The following KLHDC4 variants were observed in gnomAD, a reference collection of about 807,000 sequenced individuals.
The protein encoded by KLHDC4 is kelch domain-containing protein 4.
Under a neutral mutation model 62.4 loss-of-function variants are expected in KLHDC4, and 90 were observed. That is an observed-to-expected ratio of 1.44 (90% CI 1.22 to 1.72). The LOEUF (loss-of-function observed/expected upper bound fraction) is 1.72, where lower values mean the gene tolerates loss of function less well. KLHDC4 is among the 40% of genes most tolerant of loss of function. The probability of loss-of-function intolerance (pLI) is 0.00; values close to 1 mark genes in which losing one functional copy is unlikely to be tolerated. For missense variants in KLHDC4, 1,025 were observed against 699.7 expected (o/e 1.47, Z -5.25); for synonymous variants, 386 against 284.4 (o/e 1.36, Z -3.59).
chr16:87,716,409 T>A (rs886512626), intron 7 of KLHDC4, among the ~76,000 whole-genome samples: 1 of 152,186 alleles, frequency 6.6e-6, no homozygotes, highest in African/African-American at 2.4e-5. Context: ...TCACTACCCA[T>A]CTTTGTTGCT....
chr16:87,719,708 A>G (rs902238814), intron 7 of KLHDC4, among the ~76,000 whole-genome samples: 1 of 152,190 alleles, frequency 6.6e-6, no homozygotes, highest in Admixed American at 6.5e-5. Flanking sequence ...GCTACGGTAA[A>G]GTAGTAAACA....
chr16:87,705,150 C>G (rs138215437), downstream of KLHDC4, among the ~76,000 whole-genome samples: 630 of 152,358 alleles, frequency 4.1e-3, 1 homozygote, highest in African/African-American at 0.015. Context: ...TGGGCAAGAA[C>G]GTGGCACCGA....
chr16:87,725,127 A>ATC (rs1287155711), intron 7 of KLHDC4, among the ~76,000 whole-genome samples: 1 of 152,146 alleles, frequency 6.6e-6, no homozygotes, highest in African/African-American at 2.4e-5. Context: ...CAGGACAGGC[A>ATC]GATCTATTAC....
chr16:87,722,707 C>T (rs751848029), intron 7 of KLHDC4, among the ~76,000 whole-genome samples: 2 of 152,222 alleles, frequency 1.3e-5, no homozygotes, highest in Non-Finnish European at 1.5e-5. Flanking sequence ...CCTGCTGAGA[C>T]GAGGACCATG....
downstream of KLHDC4, among the ~76,000 whole-genome samples, chr16:87,707,107 G>C (rs1007682061): frequency 8.5e-5 from 13 of 152,260 alleles, no homozygotes; most frequent in African/African-American, 2.7e-4. Context: ...AACTGCACCA[G>C]GTGTGGTTTC....
chr16:87,737,518 G>A (rs994888787), intron 5 of KLHDC4, among the ~76,000 whole-genome samples: 2 of 151,692 alleles, frequency 1.3e-5, no homozygotes, highest in African/African-American at 2.4e-5. Flanking sequence ...AACTCAGGAG[G>A]CGGAGGTTGC....
intron 10 of KLHDC4, among the ~76,000 whole-genome samples, chr16:87,709,026 C>T (rs768803645): frequency 1.2e-4 from 18 of 152,236 alleles, no homozygotes; most frequent in African/African-American, 2.7e-4. Flanking sequence ...TGTCCTGTGC[C>T]GCCAGAGCCG....
At position 87,714,573 on chromosome 16, in the gene KLHDC4, T is replaced by C; in HGVS notation, c.760A>G (p.Arg254Gly). 1.2e-6 allele frequency: 2 copies of C among 1,614,088 alleles called. No individual in the cohort carries two copies. Among genetic ancestry groups the C allele is most frequent in the Non-Finnish European group, 1.7e-6 (2 of 1,179,974 alleles). Residue 254 changes from arginine to glycine, a missense_variant and splice_region_variant, in exon 8 of 12, where the codon AGA becomes GGA. Arg to Gly is a moderately radical substitution (Grantham distance 125). Transcript: ENST00000270583. ...CCCTTGTCCACGTCTTTCTTAACTC[T>C]CTGCAATGGAAAGGAATTGTGTGAG... Reference protein sequence around the residue: ...IVVYGGYSKQRVKKDVDKGTR... With the variant: ...IVVYGGYSKQGVKKDVDKGTR...
intron 7 of KLHDC4, among the ~76,000 whole-genome samples, chr16:87,720,403 C>A (rs181966640): frequency 1.1e-4 from 17 of 152,288 alleles, no homozygotes; most frequent in African/African-American, 3.4e-4. Flanking sequence ...TCCATCCAGG[C>A]GCCCGAAGAC....
intron 5 of KLHDC4, among the ~76,000 whole-genome samples, chr16:87,736,711 A>G (rs891783022): frequency 2.6e-5 from 4 of 152,226 alleles, no homozygotes; most frequent in African/African-American, 9.7e-5. Context: ...CATCTTAATG[A>G]TTACTACTCA....
intron 4 of KLHDC4, among the ~76,000 whole-genome samples, chr16:87,752,951 G>T (rs927290543): frequency 2.2e-4 from 34 of 152,198 alleles, no homozygotes; most frequent in African/African-American, 8.0e-4. Context: ...CAGGAAGCGG[G>T]AAGTGCAGGA....
chr16:87,759,856 C>T (rs991019234), intron 2 of KLHDC4, among the ~76,000 whole-genome samples: 3 of 152,180 alleles, frequency 2.0e-5, no homozygotes, highest in South Asian at 2.1e-4. Context: ...ACGATCTACA[C>T]GGGGCCCAAA....
At chr16:87,764,725 A>G (rs2046367239) in intron 1 of KLHDC4, among the ~76,000 whole-genome samples, 1 of 144,984 alleles carries the variant, frequency 6.9e-6, no homozygotes, top group Admixed American at 7.1e-5. Flanking sequence ...TCTGCCAAGC[A>G]CCATTCTGAA....
chr16:87,716,777 A>T (rs932058259), intron 7 of KLHDC4, among the ~76,000 whole-genome samples: 7 of 152,078 alleles, frequency 4.6e-5, no homozygotes, highest in African/African-American at 1.4e-4. Context: ...GAAAAATACA[A>T]AAAAATTAGC....
chr16:87,722,242 T>C (rs770219009), intron 7 of KLHDC4, among the ~76,000 whole-genome samples: 1 of 152,242 alleles, frequency 6.6e-6, no homozygotes, highest in Non-Finnish European at 1.5e-5. Context: ...GTTACGATAC[T>C]GACCAAAGCT....
At chr16:87,740,090 G>C (rs1197138806) in intron 5 of KLHDC4, among the ~76,000 whole-genome samples, 2 of 152,150 alleles carry the variant, frequency 1.3e-5, no homozygotes, top group African/African-American at 2.4e-5. Flanking sequence ...GGAGGGAGAC[G>C]AATCTCCCCC....
intron 5 of KLHDC4, among the ~76,000 whole-genome samples, chr16:87,744,844 C>T (rs546770479): frequency 3.5e-4 from 50 of 141,602 alleles, no homozygotes; most frequent in African/African-American, 1.1e-3. Context: ...CAGATCACTG[C>T]GTCAGCACAC....
In KLHDC4 at chr16:87,709,348, T is replaced by C. The variant is rs1482795008; in HGVS notation, c.1364A>G (p.Asp455Gly). 1.9e-6 allele frequency: 3 copies of C among 1,613,212 alleles called. No homozygotes were observed. The highest frequency in any genetic ancestry group is 1.7e-5 in the Admixed American group (1 of 60,004). ...YVYGGMFEAGDRQVTLSDLHC... is the reference protein window; with the variant it reads ...YVYGGMFEAGGRQVTLSDLHC... ...CAGGTCGCTGAGGGTGACCTGGCGG[T>C]CGCCGGCCTCAAACATGCCCCCATA... Residue 455 changes from aspartate (D) to glycine (G), a missense_variant, in exon 10 of 12, where the codon GAC becomes GGC. By Grantham distance (94) the Asp-to-Gly change is moderately conservative. Transcript: ENST00000270583.
intron 4 of KLHDC4, among the ~76,000 whole-genome samples, chr16:87,752,384 G>A (rs1162131713): frequency 6.7e-6 from 1 of 148,722 alleles, no homozygotes; most frequent in African/African-American, 2.5e-5. Context: ...TCACCAGGCT[G>A]GAGTGCAGTG....
Sources: gnomAD v4.1 joint callset for allele counts (sites outside exome capture counted in the v4.1 genomes callset) on GRCh38, gnomAD v4.1.1 for gene constraint, MANE v1.5 for transcripts, NCBI Gene and HGNC (gene_info 2026-07-23, HGNC 2026-07-21) for gene names.